Variants in GFI1B observed in about 807,000 individuals in gnomAD.
GFI1B encodes the protein zinc finger protein Gfi-1b.
In GFI1B, 20 loss-of-function variants were observed where a neutral mutation model predicts 35.3. The ratio of observed to expected loss-of-function variants is 0.57; its 90% CI spans 0.40 to 0.82. GFI1B has a LOEUF of 0.82. Among genes scored for constraint, GFI1B ranks in the 40% least tolerant of loss-of-function variants. GFI1B has a pLI of 0.00. For synonymous variants in GFI1B, 178 were observed against 177.6 expected, an observed-to-expected ratio of 1.00 and a Z score of -0.02; for missense variants, 430 against 446.3, an observed-to-expected ratio of 0.96 and a Z score of 0.33.
chr9:132,974,792 A>G (rs7849678), upstream of GFI1B, among the ~76,000 whole-genome samples: 3,666 of 142,868 alleles, frequency 0.026, 147 homozygotes, highest in African/African-American at 0.084. Flanking sequence ...AGAAGGAGAC[A>G]GGCTTGGGGA....
rs1312095044 is a variant in GFI1B, at chr9:132,989,007, C to T, written c.511-54C>T. ...ATGGAAGAGACCATGGGACCCCAGG[C>T]CTGTCCCTGTCACCGCAGCCCCCAG... On this transcript the variant is annotated intron_variant, in intron 4 of 6. Coordinates refer to ENST00000372122, the MANE Select transcript of GFI1B (RefSeq NM_001377304.1). This position sits in a 1 kb window ranked among gnomAD's most constrained non-coding sequence, Gnocchi z 6.2. 3.2e-6 allele frequency: 5 copies of T among 1,575,458 alleles called. No individual in the cohort carries two copies. The highest frequency in any genetic ancestry group is 3.3e-5 in the Admixed American group (2 of 59,916).
chr9:132,947,289 A>C (rs1457123403), intron 1 of GFI1B: 1 of 152,096 alleles, frequency 6.6e-6, no homozygotes, highest in East Asian at 1.9e-4. Flanking sequence ...GATGGTCCTC[A>C]CAATCACAGT....
intron 1 of GFI1B, among the ~76,000 whole-genome samples, chr9:132,982,291 C>G (rs1180631213): frequency 6.6e-6 from 1 of 152,176 alleles, no homozygotes; most frequent in Non-Finnish European, 1.5e-5. Flanking sequence ...AACCAAGCCC[C>G]AGGTTGGTGG....
chr9:132,982,538 T>C (rs1848864793), intron 1 of GFI1B, among the ~76,000 whole-genome samples: 1 of 152,214 alleles, frequency 6.6e-6, no homozygotes, highest in Non-Finnish European at 1.5e-5. Context: ...AGTGAGCCTC[T>C]TTCCGGAGGT....
chr9:132,976,477 C>T (rs958599471), upstream of GFI1B: 2 of 152,144 alleles, frequency 1.3e-5, no homozygotes, highest in South Asian at 2.1e-4. Context: ...CAAGATGTGT[C>T]CCTGGCTGGG....
At chr9:132,977,448 C>G (rs1848665533), upstream of GFI1B, among the ~76,000 whole-genome samples, 1 of 152,236 alleles carries the variant, frequency 6.6e-6, no homozygotes, top group Admixed American at 6.5e-5. Flanking sequence ...GCCTGAAACA[C>G]CCCTTTTTCT....
intron 1 of GFI1B, among the ~76,000 whole-genome samples, chr9:132,950,553 ACTT>A (rs1447283215): frequency 3.2e-5 from 2 of 63,418 alleles, no homozygotes; most frequent in Non-Finnish European, 2.8e-5. Flanking sequence ...TCCCAATCCC[ACTT>A]TTTTTTTTTT....
At chr9:132,957,342 C>A (rs1848297244) in intron 1 of GFI1B, among the ~76,000 whole-genome samples, 1 of 152,242 alleles carries the variant, frequency 6.6e-6, no homozygotes, top group African/African-American at 2.4e-5. Context: ...CCATCCTAGT[C>A]ATCACAGTAA....
chr9:132,993,432 A>G (rs903019586), downstream of GFI1B, among the ~76,000 whole-genome samples: 3 of 152,160 alleles, frequency 2.0e-5, no homozygotes, highest in African/African-American at 7.2e-5. Context: ...CAGAGCTGGG[A>G]CCCACAGAGA....
At chr9:132,977,705 C>A (rs972740963), upstream of GFI1B, among the ~76,000 whole-genome samples, 1 of 152,006 alleles carries the variant, frequency 6.6e-6, no homozygotes, top group African/African-American at 2.4e-5. Flanking sequence ...GGATGGGACG[C>A]CCTGCCAAAT....
chr9:132,982,168 A>T (rs1284939327), intron 1 of GFI1B, among the ~76,000 whole-genome samples: 1 of 152,244 alleles, frequency 6.6e-6, no homozygotes, highest in Non-Finnish European at 1.5e-5. Flanking sequence ...CAAGTCTTTT[A>T]GTCAAGGTGG....
intron 1 of GFI1B, among the ~76,000 whole-genome samples, chr9:132,960,442 G>T (rs1848345128): frequency 6.6e-6 from 1 of 152,138 alleles, no homozygotes; most frequent in Non-Finnish European, 1.5e-5. Context: ...GAAGGAAAGA[G>T]CTGTCTGTGG....
intron 2 of GFI1B, among the ~76,000 whole-genome samples, chr9:132,973,453 A>G (rs895064886): frequency 6.6e-6 from 1 of 152,228 alleles, no homozygotes; most frequent in African/African-American, 2.4e-5. Context: ...GTCCACAGAC[A>G]GAGGACCCCA....
intron 2 of GFI1B, among the ~76,000 whole-genome samples, chr9:132,973,313 C>G (rs1308745681): frequency 6.6e-6 from 1 of 152,254 alleles, no homozygotes; most frequent in Non-Finnish European, 1.5e-5. Flanking sequence ...CCCCAGCCCA[C>G]CTGCACCTGC....
chr9:132,969,631 CGT>C, intron 1 of GFI1B, among the ~76,000 whole-genome samples: 1 of 152,268 alleles, frequency 6.6e-6, no homozygotes, highest in East Asian at 1.9e-4. Context: ...CCTTTCAGTG[CGT>C]TTGGGTCTAT....
At chr9:132,968,591 T>G (rs1848485964) in intron 1 of GFI1B, among the ~76,000 whole-genome samples, 1 of 152,202 alleles carries the variant, frequency 6.6e-6, no homozygotes, top group South Asian at 2.1e-4. Context: ...TGTTTGAAAT[T>G]TTATATAATA....
At chr9:132,976,618 G>A (rs948443905), upstream of GFI1B, 15 of 152,152 alleles carry the variant, frequency 9.9e-5, no homozygotes, top group Admixed American at 5.9e-4. Flanking sequence ...ATATCTCTTC[G>A]ATTCTGCTTC....
upstream of GFI1B, among the ~76,000 whole-genome samples, chr9:132,974,326 G>A (rs1026807597): frequency 3.9e-5 from 6 of 152,084 alleles, no homozygotes; most frequent in Admixed American, 2.0e-4. Flanking sequence ...GGCCAGGCGC[G>A]GTGGCTCACA....
At chr9:132,981,713 A>C (rs1235618286) in intron 1 of GFI1B, among the ~76,000 whole-genome samples, 1 of 151,348 alleles carries the variant, frequency 6.6e-6, no homozygotes, top group African/African-American at 2.4e-5. Flanking sequence ...ACCTGGGCTC[A>C]TTTTCCCCCG....
Sources: allele counts gnomAD v4.1 joint callset (sites outside exome capture counted in the v4.1 genomes callset), GRCh38; gene constraint gnomAD v4.1.1; non-coding constraint Gnocchi (gnomAD v3.1); transcripts MANE v1.5; gene names NCBI Gene and HGNC (gene_info 2026-07-23, HGNC 2026-07-21).